AKNAD1: variants seen among roughly 807,000 people sequenced by gnomAD.
AKNAD1 encodes protein AKNAD1.
AKNAD1 carries 67 observed loss-of-function variants against 90.8 expected under a neutral mutation model. The ratio of observed to expected loss-of-function variants is 0.74; its 90% CI spans 0.61 to 0.90. The LOEUF is 0.90. Ranked by LOEUF, AKNAD1 falls within the 40% of genes least tolerant of loss-of-function variation. The probability of loss-of-function intolerance (pLI) is 0.00; values close to 1 mark genes in which losing one functional copy is unlikely to be tolerated. For missense variants in AKNAD1, 957 were observed against 975.4 expected (o/e 0.98, Z 0.25); for synonymous variants, 327 against 341.4 (o/e 0.96, Z 0.46).
chr1:108,850,860 GAGCC>G (rs1664834338), intron 2 of AKNAD1, among the ~76,000 whole-genome samples: 1 of 152,170 alleles, frequency 6.6e-6, no homozygotes, highest in African/African-American at 2.4e-5. Context: ...ATGAGATCCT[GAGCC>G]TCAGCATGTT....
intron 13 of AKNAD1, among the ~76,000 whole-genome samples, chr1:108,822,610 GA>G (rs1663853285): frequency 6.6e-6 from 1 of 152,176 alleles, no homozygotes; most frequent in Non-Finnish European, 1.5e-5. Flanking sequence ...CATCAAGAAA[GA>G]TAAGAAACAT....
chr1:108,851,928 G>C lies in AKNAD1; in HGVS notation c.737C>G (p.Thr246Arg). The C allele has an allele frequency of 2.5e-6, 4 of 1,614,214 alleles. No individual in the cohort carries two copies. The highest frequency in any genetic ancestry group is 3.4e-6 in the Non-Finnish European group (4 of 1,180,034). The change falls in exon 2 of 16, where the codon ACG (threonine) becomes AGG (arginine). Residue 246 changes from threonine (T) to arginine (R), a missense_variant. Physicochemically the swap from Thr to Arg is moderately conservative, Grantham distance 71 (BLOSUM62 -1). Coordinates refer to ENST00000370001, the MANE Select transcript of AKNAD1 (RefSeq NM_152763.5). Reference protein sequence around the residue: ...QQTEKANSGNTFKYGQGQVHY... With the variant: ...QQTEKANSGNRFKYGQGQVHY... ...AACTTGACCTTGGCCGTATTTGAAC[G>C]TGTTGCCTGAATTTGCTTTTTCAGT...
chr1:108,848,221 C>T (rs1435022925), intron 5 of AKNAD1, among the ~76,000 whole-genome samples: 1 of 152,156 alleles, frequency 6.6e-6, no homozygotes, highest in Non-Finnish European at 1.5e-5. Context: ...CATTGCTCCA[C>T]CCCCTTCCCA....
chr1:108,817,236 T>C, intron 14 of AKNAD1, 59 bp from the exon 15 acceptor site: 1 of 1,602,202 alleles, frequency 6.2e-7, no homozygotes, highest in Non-Finnish European at 8.5e-7. Flanking sequence ...CACACTCCTG[T>C]TCACGTCAGC....
intron 7 of AKNAD1, among the ~76,000 whole-genome samples, chr1:108,836,392 G>A (rs1360098766): frequency 6.6e-6 from 1 of 151,906 alleles, no homozygotes. Flanking sequence ...AGGATTCAAA[G>A]ATGAGTGCAG....
rs1664880551 is a variant in AKNAD1, at chr1:108,852,034, T to C, written c.631A>G (p.Asn211Asp). The change falls in exon 2 of 16, where the codon AAT becomes GAT. Residue 211 changes from asparagine to aspartate, a missense_variant. Physicochemically the swap from Asn to Asp is conservative, Grantham distance 23. Transcript: ENST00000370001. ...TTGGTTTTAGTTAGAACATTCACAT[T>C]TTCTTGATGGCTGCTATCTCCAGCA... Reference protein sequence around the residue: ...VAAGDSSHQENVNVLTKTKGP... With the variant: ...VAAGDSSHQEDVNVLTKTKGP... The C allele has an allele frequency of 6.2e-7, 1 of 1,613,922 alleles. No individual in the cohort carries two copies. The highest frequency in any genetic ancestry group is 1.1e-5 in the South Asian group (1 of 91,076).
At position 108,826,321 on chromosome 1, in the gene AKNAD1, A is replaced by G. The variant is rs1299000555; in HGVS notation, c.1936+884T>C. 1.3e-5 allele frequency among the ~76,000 whole-genome samples: 2 copies of G among 151,684 alleles called. 1 individual carries two copies. The highest frequency in any genetic ancestry group is 2.9e-5 in the Non-Finnish European group (2 of 67,960). ...CATAAGCTGGGGAGACAAGCTGGGT[A>G]GGTAGGTTAGGCTCAGAGGTGATTT... On this transcript the variant is annotated intron_variant, in intron 11 of 15. Coordinates refer to ENST00000370001, the MANE Select transcript of AKNAD1 (RefSeq NM_152763.5).
intron 15 of AKNAD1, 103 bp from the exon 16 acceptor site, chr1:108,816,405 T>A (rs1663602291): frequency 3.2e-6 from 4 of 1,269,834 alleles, no homozygotes; most frequent in Non-Finnish European, 4.3e-6. Flanking sequence ...ATTTGGGGAG[T>A]ATTCCTGTTT....
chr1:108,843,246 G>A lies in AKNAD1; in HGVS notation c.1267C>T (p.His423Tyr). 6.2e-7 allele frequency: 1 copy of A among 1,614,002 alleles called. No homozygotes were observed. Among genetic ancestry groups the A allele is most frequent in the Non-Finnish European group, 8.5e-7 (1 of 1,180,004 alleles). ...KKLVLEKLQG[H>Y]LELLEQNFLA... Reference sequence around the variant, plus strand: ...AAGTTCTGCTCCAGCAGTTCAAGGTGTCCCTGCAGTTTCTCCAGGACCTGC... The same window carrying A: ...AAGTTCTGCTCCAGCAGTTCAAGGTATCCCTGCAGTTTCTCCAGGACCTGC... Residue 423 changes from histidine to tyrosine, a missense_variant, in exon 6 of 16, where the codon CAC becomes TAC. Coordinates refer to ENST00000370001, the MANE Select transcript of AKNAD1 (RefSeq NM_152763.5).
At chr1:108,841,604 G>A (rs1177975459) in intron 6 of AKNAD1, among the ~76,000 whole-genome samples, 1 of 152,184 alleles carries the variant, frequency 6.6e-6, no homozygotes, top group Non-Finnish European at 1.5e-5. Context: ...AGCAGGTGAT[G>A]TAAACAAAGG....
chr1:108,839,838 T>C (rs998123441), intron 6 of AKNAD1, among the ~76,000 whole-genome samples: 4 of 152,136 alleles, frequency 2.6e-5, no homozygotes, highest in Non-Finnish European at 1.5e-5. Flanking sequence ...CTGGAAAACA[T>C]AGGGAGACCA....
chr1:108,829,667 C>T (rs867548406), intron 10 of AKNAD1, among the ~76,000 whole-genome samples: 2 of 152,182 alleles, frequency 1.3e-5, no homozygotes, highest in Non-Finnish European at 2.9e-5. Context: ...ACTCTTAAGG[C>T]AGGTGCCCAT....
chr1:108,850,114 T>C (rs1358853760), intron 2 of AKNAD1, among the ~76,000 whole-genome samples: 2 of 152,186 alleles, frequency 1.3e-5, no homozygotes, highest in Non-Finnish European at 2.9e-5. Context: ...AAGATAGTGA[T>C]GGTTTTCTAC....
rs552190178 is a variant in AKNAD1, at chr1:108,827,150, C to G, written c.1936+55G>C. ...CAAGCTGGTGCCTACTGCGAGCAGA[C>G]CCCATGGGGAGGGACACTGAAAAAT... On this transcript the variant is annotated intron_variant, in intron 11 of 15. Transcript: ENST00000370001. 3.0e-6 allele frequency: 4 copies of G among 1,342,780 alleles called. No individual in the cohort carries two copies. The African/African-American group carries it at 5.8e-5, about 19-fold the overall frequency. 83.2% of individuals were successfully genotyped at this position (1,342,780 alleles called of 1,614,324 possible). A position where few individuals can be genotyped will look rare whatever the true frequency, so the allele number is the denominator to read the frequency against.
At chr1:108,835,103 T>C in intron 7 of AKNAD1, 47 bp from the exon 8 acceptor site, 12 of 1,550,026 alleles carry the variant, frequency 7.7e-6, no homozygotes, top group Non-Finnish European at 1.0e-5. Context: ...ACAGTCCCAC[T>C]GGAGGTGACT....
chr1:108,852,815 T>G, intron 1 of AKNAD1, 48 bp from the exon 2 acceptor site: 1 of 616,522 alleles, frequency 1.6e-6, no homozygotes. Flanking sequence ...TGGAATAATG[T>G]ATACAACTAT....
In AKNAD1 at chr1:108,852,215, A is replaced by G. The variant is rs1664888828; in HGVS notation, c.450T>C (p.Ser150=). 1 of 1,613,344 alleles carries G rather than the reference A, an allele frequency of 6.2e-7. No homozygotes were observed. The highest frequency in any genetic ancestry group is 2.2e-5 in the East Asian group (1 of 44,882). ...DSFEEEAIIK[S]IISCYNKNSW... ...AATTCTTATTATAACATGAAATAATACTTTTAATAATAGCTTCCTCTTCAA... is the reference window on the plus strand; with the variant it reads ...AATTCTTATTATAACATGAAATAATGCTTTTAATAATAGCTTCCTCTTCAA... The change falls in exon 2 of 16, where the codon AGT becomes AGC. Residue 150 remains serine (S), a synonymous_variant. Transcript: ENST00000370001.
At position 108,823,585 on chromosome 1, in the gene AKNAD1, G is replaced by A. The variant is rs144702847; in HGVS notation, c.2040C>T (p.Cys680=). The part of the protein sequence containing the change: ...GTKIPTSRRA[C]RKEPTKEFHY... ...TGTTACCTTTAGTTGGTTCTTTCCT[G>A]CAGGCTCTTCGGGAGGTAGGAATCT... The change falls in exon 12 of 16, where the codon TGC becomes TGT. Residue 680 remains cysteine (C), a synonymous_variant. Transcript: ENST00000370001. The A allele has an allele frequency of 6.2e-7, 1 of 1,614,114 alleles. No homozygotes were observed.
Position 108,851,967 on chromosome 1 carries a change from G to A in AKNAD1, c.698C>T (p.Pro233Leu). 1.2e-6 allele frequency: 2 copies of A among 1,614,130 alleles called. No homozygotes were observed. The highest frequency in any genetic ancestry group is 1.7e-6 in the Non-Finnish European group (2 of 1,180,028). The change falls in exon 2 of 16, where the codon CCC (proline) becomes CTC (leucine). Residue 233 changes from proline to leucine, a missense_variant. Coordinates refer to ENST00000370001, the MANE Select transcript of AKNAD1 (RefSeq NM_152763.5). Reference protein sequence around the residue: ...DKQKSYQGQSPQKQQTEKANS... With the variant: ...DKQKSYQGQSLQKQQTEKANS... ...TGCTTTTTCAGTCTGCTGTTTCTGG[G>A]GTGACTGCCCTTGATAACTTTTTTG...
Sources: gnomAD v4.1 joint callset for allele counts (sites outside exome capture counted in the v4.1 genomes callset) on GRCh38, gnomAD v4.1.1 for gene constraint, MANE v1.5 for transcripts, NCBI Gene and HGNC (gene_info 2026-07-23, HGNC 2026-07-21) for gene names.